The following MYO16 variants were observed in gnomAD, a reference collection of about 807,000 sequenced individuals.
MYO16 encodes unconventional myosin-XVI.
MYO16 carries 94 observed loss-of-function variants against 205.3 expected under a neutral mutation model. The ratio of observed to expected loss-of-function variants is 0.46; its 90% confidence interval spans 0.39 to 0.54. The LOEUF (loss-of-function observed/expected upper bound fraction) is 0.54. MYO16 is among the 20% of genes least tolerant of loss of function. The probability of loss-of-function intolerance (pLI) is 0.00; values close to 1 mark genes in which losing one functional copy is unlikely to be tolerated. For synonymous variants in MYO16, 988 were observed against 954.0 expected (o/e 1.04, Z -0.66); for missense variants, 2,315 against 2,387.5 (o/e 0.97, Z 0.63).
At chr13:109,110,907 T>C (rs1889264376) in intron 28 of MYO16, among the ~76,000 whole-genome samples, 1 of 152,162 alleles carries the variant, frequency 6.6e-6, no homozygotes, top group South Asian at 2.1e-4. Flanking sequence ...CCAGCATCTG[T>C]GCCCTGCTGG....
intron 15 of MYO16, among the ~76,000 whole-genome samples, chr13:108,906,418 A>G (rs1880980606): frequency 6.6e-6 from 1 of 152,236 alleles, no homozygotes; most frequent in African/African-American, 2.4e-5. Flanking sequence ...AATGGAAAAT[A>G]TATTAAGGCC....
chr13:108,578,247 G>T, the MYO16 span, among the ~76,000 whole-genome samples: 1 of 152,126 alleles, frequency 6.6e-6, no homozygotes, highest in Non-Finnish European at 1.5e-5. Flanking sequence ...AATCTGTGTA[G>T]GGTTTTCCCA....
chr13:108,717,579 G>T (rs933318084), intron 3 of MYO16, among the ~76,000 whole-genome samples: 3 of 139,758 alleles, frequency 2.1e-5, no homozygotes, highest in Non-Finnish European at 3.0e-5. Context: ...GCAGTGAGCT[G>T]AGATCACGCC....
At chr13:108,968,766 C>T (rs1001214173) in intron 20 of MYO16, among the ~76,000 whole-genome samples, 2 of 152,192 alleles carry the variant, frequency 1.3e-5, no homozygotes, top group Non-Finnish European at 2.9e-5. Flanking sequence ...CTCAGATCGA[C>T]ATCACCACCA....
chr13:108,654,289 T>G (rs1881144366), intron 1 of MYO16, among the ~76,000 whole-genome samples: 1 of 152,264 alleles, frequency 6.6e-6, no homozygotes, highest in South Asian at 2.1e-4. Flanking sequence ...TGGGAGATAA[T>G]TTGAATCACG....
chr13:108,540,638 A>C, the MYO16 span, among the ~76,000 whole-genome samples: 16 of 152,150 alleles, frequency 1.1e-4, no homozygotes, highest in Admixed American at 3.9e-4. Context: ...ATAAACAAAT[A>C]ATATGAATAA....
chr13:108,780,594 G>T lies in MYO16; in HGVS notation c.508-5041G>T, dbSNP rs9521047. On this transcript the variant is annotated intron_variant, in intron 4 of 34. Transcript: ENST00000457511. Reference sequence around the variant, plus strand: ...TGTAACTATATAAACCCTTGAAAAGGAAGGTCAGAAAATTTAGTTAAAAAG... The same window carrying T: ...TGTAACTATATAAACCCTTGAAAAGTAAGGTCAGAAAATTTAGTTAAAAAG... Among the ~76,000 whole-genome samples the T allele has an allele frequency of 2.1e-4, 32 of 152,136 alleles. No individual in the cohort carries two copies. The East Asian group carries it at 5.4e-3, about 26-fold the overall frequency.
intron 1 of MYO16, among the ~76,000 whole-genome samples, chr13:108,610,128 C>T (rs1029415660): frequency 4.6e-5 from 7 of 152,180 alleles, no homozygotes; most frequent in Admixed American, 2.6e-4. Context: ...TGACAATCCC[C>T]TCTCTAGACA....
chr13:109,101,116 A>G (rs157000), intron 28 of MYO16: 353,325 of 450,564 alleles, frequency 0.78, 139,424 homozygotes, highest in Admixed American at 0.84. Flanking sequence ...CCTTTACAAC[A>G]TGACAGAAGC....
At chr13:108,573,200 G>A in the MYO16 span, among the ~76,000 whole-genome samples, 2 of 152,196 alleles carry the variant, frequency 1.3e-5, no homozygotes, top group African/African-American at 4.8e-5. Context: ...TACAGATGCA[G>A]AAACCAGCAA....
chr13:109,103,339 C>T (rs573089001), intron 28 of MYO16, among the ~76,000 whole-genome samples: 5 of 152,052 alleles, frequency 3.3e-5, no homozygotes, highest in Non-Finnish European at 7.4e-5. Flanking sequence ...AAGGTTGTAT[C>T]GGATGGTTAT....
intron 5 of MYO16, among the ~76,000 whole-genome samples, chr13:108,791,944 C>G (rs1886628766): frequency 6.6e-6 from 1 of 152,200 alleles, no homozygotes; most frequent in Non-Finnish European, 1.5e-5. Flanking sequence ...AGGATGAAAT[C>G]AGATAAGAGA....
intron 23 of MYO16, among the ~76,000 whole-genome samples, chr13:109,032,227 C>T (rs764130198): frequency 6.6e-6 from 1 of 152,152 alleles, no homozygotes; most frequent in South Asian, 2.1e-4. Context: ...TGTCTCTTGG[C>T]AGGATTTAAC....
chr13:108,775,639 A>G (rs146045874), intron 4 of MYO16, among the ~76,000 whole-genome samples: 1 of 152,126 alleles, frequency 6.6e-6, no homozygotes, highest in Non-Finnish European at 1.5e-5. Flanking sequence ...CATTTGGATG[A>G]AGTCTTGCTT....
At chr13:108,758,592 T>A (rs553634037) in intron 4 of MYO16, among the ~76,000 whole-genome samples, 1 of 152,310 alleles carries the variant, frequency 6.6e-6, no homozygotes, top group South Asian at 2.1e-4. Context: ...CAATTATCTC[T>A]CCTTTATCTT....
chr13:109,082,024 ACTGTAGGCCCACAAAGC>A (rs969669021), intron 27 of MYO16, among the ~76,000 whole-genome samples: 1 of 152,184 alleles, frequency 6.6e-6, no homozygotes, highest in Non-Finnish European at 1.5e-5. Context: ...TGCAATACAG[ACTGTAGGCCCACAAAGC>A]CTGAAGCAGT....
chr13:108,910,083 T>G lies in MYO16; in HGVS notation c.1858T>G (p.Leu620Val). 6.2e-7 allele frequency: 1 copy of G among 1,613,506 alleles called. No individual in the cohort carries two copies. Among genetic ancestry groups the G allele is most frequent in the South Asian group, 1.1e-5 (1 of 91,068 alleles). The change falls in exon 16 of 35, where the codon TTG (leucine) becomes GTG (valine). Residue 620 changes from leucine to valine, a missense_variant. Physicochemically the swap from Leu to Val is conservative, Grantham distance 32. Transcript: ENST00000457511. Reference protein sequence around the residue: ...LGQSNFLIFYLLMDGLSAEEK... With the variant: ...LGQSNFLIFYVLMDGLSAEEK... ...CCAGAGCAATTTTCTCATTTTCTAC[T>G]TGTTGATGGATGGGTTATCTGCTGA...
intron 4 of MYO16, among the ~76,000 whole-genome samples, chr13:108,739,857 A>G (rs1190361902): frequency 2.0e-5 from 3 of 151,672 alleles, no homozygotes; most frequent in African/African-American, 7.3e-5. Context: ...TTTTCTCTAA[A>G]CTTCTCTTCT....
chr13:108,942,727 G>C (rs1370145519), intron 16 of MYO16, among the ~76,000 whole-genome samples: 1 of 152,082 alleles, frequency 6.6e-6, no homozygotes, highest in African/African-American at 2.4e-5. Flanking sequence ...AATAATCTCA[G>C]TTCTTGGCAC....
Sources: gnomAD v4.1 joint callset for allele counts (sites outside exome capture counted in the v4.1 genomes callset) on GRCh38, gnomAD v4.1.1 for gene constraint, MANE v1.5 for transcripts, NCBI Gene and HGNC (gene_info 2026-07-23, HGNC 2026-07-21) for gene names.